The following NAA40 variants were observed in gnomAD, a reference collection of about 807,000 sequenced individuals.
NAA40 encodes N-alpha-acetyltransferase 40.
Under a neutral mutation model 36.6 loss-of-function variants are expected in NAA40, and 26 were observed. The observed-to-expected ratio is 0.71, with a 90% confidence interval of 0.52 to 0.98. The LOEUF (loss-of-function observed/expected upper bound fraction) is 0.98, where lower values mean the gene tolerates loss of function less well. Among genes scored for constraint, NAA40 ranks in the 50% least tolerant of loss-of-function variants. The pLI is 0.00. For missense variants in NAA40, 237 were observed against 306.5 expected (o/e 0.77, Z 1.69); for synonymous variants, 129 against 108.4 (o/e 1.19, Z -1.18).
chr11:63,948,116 A>G (rs1224240792), intron 3 of NAA40, among the ~76,000 whole-genome samples: 2 of 152,242 alleles, frequency 1.3e-5, no homozygotes, highest in Admixed American at 6.5e-5. Context: ...CAGCCACCCA[A>G]AGTGCTGGGA....
intron 2 of NAA40, chr11:63,946,314 A>G: frequency 4.0e-6 from 1 of 250,102 alleles, no homozygotes; most frequent in South Asian, 5.3e-5. Flanking sequence ...CCTGGGCCCA[A>G]GTGATCCTCC....
Position 63,945,041 on chromosome 11 carries a change from G to T in NAA40, c.7-799G>T, listed in dbSNP as rs567170103. Reference sequence around the variant, plus strand: ...TTAGGCCTGAGAGAATCTCACGTCGGCCTCAAAACAGGACCTGATCTAGAA... The same window carrying T: ...TTAGGCCTGAGAGAATCTCACGTCGTCCTCAAAACAGGACCTGATCTAGAA... On this transcript the variant is annotated intron_variant, in intron 1 of 7. Coordinates refer to ENST00000377793, the MANE Select transcript of NAA40 (RefSeq NM_024771.4). Among the ~76,000 whole-genome samples the T allele has an allele frequency of 3.3e-5, 5 of 152,296 alleles. No homozygotes were observed. In the South Asian group the frequency reaches 1.0e-3, roughly 32 times the overall value.
chr11:63,953,892 A>C (rs1942320038), intron 6 of NAA40, 80 bp from the exon 7 acceptor site: 5 of 1,276,328 alleles, frequency 3.9e-6, no homozygotes, highest in Non-Finnish European at 5.6e-6. Flanking sequence ...TGCCCCTCAA[A>C]GTGCTGGGAT....
At chr11:63,952,109 T>C in intron 3 of NAA40, 129 bp from the exon 4 acceptor site, 2 of 670,900 alleles carry the variant, frequency 3.0e-6, no homozygotes, top group South Asian at 2.0e-5. Flanking sequence ...CTGGGGCAGA[T>C]ACAGGGTTGG....
At chr11:63,946,620 G>A in intron 2 of NAA40, 5 of 1,306,394 alleles carry the variant, frequency 3.8e-6, no homozygotes, top group Non-Finnish European at 2.9e-6. Flanking sequence ...TTGTAACCAG[G>A]TAAAGTCAGT....
intron 1 of NAA40, among the ~76,000 whole-genome samples, chr11:63,945,154 C>T (rs1422004362): frequency 6.6e-6 from 1 of 152,210 alleles, no homozygotes; most frequent in African/African-American, 2.4e-5. Context: ...TGACTGTGTG[C>T]CTGCAGCTTC....
In NAA40 at chr11:63,956,954, C is replaced by G. The variant is rs952837956; in HGVS notation, c.*2475C>G. 1 of 148,320 alleles carries G rather than the reference C, an allele frequency of 6.7e-6. No individual in the cohort carries two copies. The highest frequency in any genetic ancestry group is 2.5e-5 in the African/African-American group (1 of 39,910). 9.2% of individuals were successfully genotyped at this position (148,320 alleles called of 1,614,324 possible). On this transcript the variant is annotated 3_prime_UTR_variant, in exon 8 of 8. Coordinates refer to ENST00000377793, the MANE Select transcript of NAA40 (RefSeq NM_024771.4). ...CGCCATTGCACTCCAGCCTAGGCGA[C>G]AGAGTGAGACTCCATCTCAAAAAAA...
rs1198457196 is a variant in NAA40, at chr11:63,952,424, G to A, written c.269G>A (p.Trp90Ter). ...TTCCCCAGGTATGAGCAGAGCGAGT[G>A]GGGCTGGAAGGACCGAGAGAAACGG... ...NMQTMYEQSE[W>*]GWKDREKREE... Residue 90 changes from tryptophan (W) to a stop codon, truncating the protein, a stop_gained, in exon 5 of 8, where the codon TGG (tryptophan) becomes TAG (stop). Transcript: ENST00000377793. LOFTEE classifies it high-confidence loss of function. The A allele has an allele frequency of 6.2e-7, 1 of 1,614,210 alleles. No individual in the cohort carries two copies. The highest frequency in any genetic ancestry group is 1.1e-5 in the South Asian group (1 of 91,086).
In NAA40 at chr11:63,954,390, T is replaced by G. The variant is rs191585563; in HGVS notation, c.625T>G (p.Cys209Gly). 1 of 1,612,774 alleles carries G rather than the reference T, an allele frequency of 6.2e-7. No individual in the cohort carries two copies. The highest frequency in any genetic ancestry group is 2.2e-5 in the East Asian group (1 of 44,792). The change falls in exon 8 of 8, where the codon TGC becomes GGC. Residue 209 changes from cysteine (C) to glycine (G), a missense_variant. By Grantham distance (159) the Cys-to-Gly change is radical. Transcript: ENST00000377793. ...PSMSGCCGED[C>G]SYEILSRRTK... ...CATGTCCGGTTGCTGTGGGGAGGAT[T>G]GCTCCTATGAGATCCTGAGCCGGAG...
chr11:63,952,140 G>A (rs752491636), intron 3 of NAA40, 98 bp from the exon 4 acceptor site: 3 of 936,248 alleles, frequency 3.2e-6, no homozygotes, highest in Non-Finnish European at 4.9e-6. Context: ...TGCAGTAACT[G>A]AGACTGGGCC....
chr11:63,946,204 A>G, intron 2 of NAA40: 1 of 438,772 alleles, frequency 2.3e-6, no homozygotes, highest in Non-Finnish European at 4.1e-6. Flanking sequence ...GGATCTAGAT[A>G]ATTTTTTTTT....
intron 3 of NAA40, among the ~76,000 whole-genome samples, chr11:63,950,145 A>T (rs1942256006): frequency 7.5e-6 from 1 of 132,778 alleles, no homozygotes; most frequent in Non-Finnish European, 1.6e-5. Flanking sequence ...TTTGAGACAG[A>T]GTCTCGCTCT....
rs1942195967 is a variant in NAA40, at chr11:63,946,883, C to CTCCTA, written c.103-66_103-65insCTATC. On this transcript the variant is annotated intron_variant, in intron 2 of 7. Coordinates refer to ENST00000377793, the MANE Select transcript of NAA40 (RefSeq NM_024771.4). Reference sequence around the variant, plus strand: ...ACAGCATCCCACTCCAAGACAACAGCTCTTGGGATAGGATCTGCACCTCCG... The same window carrying CTCCTA: ...ACAGCATCCCACTCCAAGACAACAGCTCCTATCTTGGGATAGGATCTGCACCTCCG... 2.5e-6 allele frequency: 4 copies of CTCCTA among 1,603,212 alleles called. No homozygotes were observed. The Admixed American group carries it at 5.0e-5, about 20-fold the overall frequency.
At chr11:63,942,684 G>A (rs1239285564) in intron 1 of NAA40, among the ~76,000 whole-genome samples, 1 of 152,238 alleles carries the variant, frequency 6.6e-6, no homozygotes, top group African/African-American at 2.4e-5. Context: ...CCACAAGGCA[G>A]GGGCAAAGCT....
Position 63,956,183 on chromosome 11 carries a change from G to A in NAA40, c.*1704G>A, listed in dbSNP as rs1032456850. The A allele has an allele frequency of 6.5e-6, 1 of 152,672 alleles. No individual in the cohort carries two copies. The highest frequency in any genetic ancestry group is 2.4e-5 in the African/African-American group (1 of 41,444). 9.5% of individuals were successfully genotyped at this position (152,672 alleles called of 1,614,324 possible). ...TGCAGCTTTACACTGGAATAAGTCT[G>A]CCTCTGCCTCTGCCTCACCCTGCTG... On this transcript the variant is annotated 3_prime_UTR_variant, in exon 8 of 8. Coordinates refer to ENST00000377793, the MANE Select transcript of NAA40 (RefSeq NM_024771.4).
rs60725842 is a variant in NAA40 at position 63,945,923 on chromosome 11, C to G, written c.90C>G (p.Asp30Glu). 4 of 1,613,942 alleles carry G rather than the reference C, an allele frequency of 2.5e-6. No individual in the cohort carries two copies. Among genetic ancestry groups the G allele is most frequent in the Non-Finnish European group, 3.4e-6 (4 of 1,179,842 alleles). Reference protein sequence around the residue: ...AAMDAVCAKVDAANRLGDPLE... With the variant: ...AAMDAVCAKVEAANRLGDPLE... ...TGGATGCCGTTTGTGCCAAAGTGGA[C>G]GCTGCCAACAGGGTGATTCTCCCTT... Residue 30 changes from aspartate (D) to glutamate (E), a missense_variant, in exon 2 of 8, where the codon GAC becomes GAG. By Grantham distance (45) the Asp-to-Glu change is conservative. Coordinates refer to ENST00000377793, the MANE Select transcript of NAA40 (RefSeq NM_024771.4).
rs1282753381 is a variant in NAA40 at position 63,939,028 on chromosome 11, A to AGCCACCGCCGTTGCC, written c.-65_-51dup. 60 of 1,537,950 alleles carry AGCCACCGCCGTTGCC rather than the reference A, an allele frequency of 3.9e-5. No homozygotes were observed. In the East Asian group the frequency reaches 6.8e-4, roughly 17 times the overall value. ...TCCGCTCTGCTGCCGCCGCTGTTGC[A>AGCCACCGCCGTTGCC]GCCACCGCCGTTGCCGCCTCCCTGC... On this transcript the variant is annotated 5_prime_UTR_variant, in exon 1 of 8. Transcript: ENST00000377793.
At chr11:63,939,824 G>T (rs562616105) in intron 1 of NAA40, among the ~76,000 whole-genome samples, 128 of 152,120 alleles carry the variant, frequency 8.4e-4, no homozygotes, top group Non-Finnish European at 1.5e-3. Context: ...CGGGGAAGAT[G>T]CGGGGAGGCG....
Position 63,952,795 on chromosome 11 carries a change from C to T in NAA40, c.450C>T (p.Gly150=), listed in dbSNP as rs569236301. Residue 150 remains glycine (G), a synonymous_variant, in exon 6 of 8, where the codon GGC becomes GGT. Coordinates refer to ENST00000377793, the MANE Select transcript of NAA40 (RefSeq NM_024771.4). ...VQLESKVRRK[G]LGKFLIQILQ... is the part of the protein sequence containing the mutation. Reference sequence around the variant, plus strand: ...TGGAAAGCAAGGTGCGGCGGAAAGGCCTGGGGAAGTTCCTCATACAGATCC... The same window carrying T: ...TGGAAAGCAAGGTGCGGCGGAAAGGTCTGGGGAAGTTCCTCATACAGATCC... 5 of 1,614,140 alleles carry T rather than the reference C, an allele frequency of 3.1e-6. No individual in the cohort carries two copies. In the South Asian group the frequency reaches 3.3e-5, roughly 11 times the overall value.
Sources: allele counts gnomAD v4.1 joint callset (sites outside exome capture counted in the v4.1 genomes callset), GRCh38; gene constraint gnomAD v4.1.1; transcripts MANE v1.5; gene names NCBI Gene and HGNC (gene_info 2026-07-23, HGNC 2026-07-21).